The following EYS variants were observed in gnomAD, a reference collection of about 807,000 sequenced individuals.
The protein encoded by EYS is EGF-like photoreceptor maintenance factor.
EYS carries 250 observed loss-of-function variants against 282.1 expected under a neutral mutation model. The observed-to-expected ratio is 0.89, with a 90% CI of 0.80 to 0.98. The LOEUF (loss-of-function observed/expected upper bound fraction) is 0.98. Among genes scored for constraint, EYS ranks in the 50% least tolerant of loss-of-function variants. The pLI is 0.00. For missense variants in EYS, 4,016 were observed against 3,709.0 expected (o/e 1.08, Z -2.15); for synonymous variants, 1,355 against 1,282.9 (o/e 1.06, Z -1.20).
intron 2 of EYS, among the ~76,000 whole-genome samples, chr6:65,587,348 C>T (rs1765086303): frequency 6.6e-6 from 1 of 152,062 alleles, no homozygotes; most frequent in Admixed American, 6.6e-5. Flanking sequence ...CCATAATCCC[C>T]AGGTATCGTG....
intron 29 of EYS, among the ~76,000 whole-genome samples, chr6:64,383,006 G>C (rs1772798624): frequency 6.6e-6 from 1 of 152,198 alleles, no homozygotes; most frequent in Non-Finnish European, 1.5e-5. Context: ...GGCAAGGCCT[G>C]CCTGGGCACG....
chr6:65,245,590 T>C (rs984652769), intron 12 of EYS, among the ~76,000 whole-genome samples: 1 of 152,070 alleles, frequency 6.6e-6, no homozygotes, highest in Admixed American at 6.6e-5. Context: ...TTCTTGTGCG[T>C]TTCCCTGAAC....
At chr6:64,446,033 G>T (rs1336545333) in intron 26 of EYS, among the ~76,000 whole-genome samples, 2 of 152,160 alleles carry the variant, frequency 1.3e-5, no homozygotes, top group Non-Finnish European at 2.9e-5. Context: ...CCAAGCTAAA[G>T]ATATTAACTT....
chr6:65,403,140 C>G (rs576024805), intron 6 of EYS, among the ~76,000 whole-genome samples: 2 of 152,130 alleles, frequency 1.3e-5, no homozygotes, highest in Admixed American at 1.3e-4. Flanking sequence ...AATATCCTAG[C>G]TGAGACAAGT....
chr6:64,862,925 G>T (rs1209230920), intron 19 of EYS, among the ~76,000 whole-genome samples: 2 of 151,974 alleles, frequency 1.3e-5, no homozygotes, highest in East Asian at 3.9e-4. Context: ...TTCGTGATAC[G>T]TTCTCTGTAT....
At chr6:65,213,057 A>T (rs575239731) in intron 12 of EYS, among the ~76,000 whole-genome samples, 51 of 152,176 alleles carry the variant, frequency 3.4e-4, no homozygotes, top group Non-Finnish European at 5.4e-4. Context: ...ATGTAGAGGA[A>T]TTATTTATAG....
In EYS at chr6:64,439,353, C is replaced by G; in HGVS notation, c.5645-1G>C. 1 of 1,484,992 alleles carries G rather than the reference C, an allele frequency of 6.7e-7. No homozygotes were observed. Among genetic ancestry groups the G allele is most frequent in the Non-Finnish European group, 8.9e-7 (1 of 1,122,570 alleles). 92.0% of individuals were successfully genotyped at this position (1,484,992 alleles called of 1,614,324 possible). A position where few individuals can be genotyped will look rare whatever the true frequency, so the allele number is the denominator to read the frequency against. On this transcript the variant is annotated splice_acceptor_variant, in intron 26 of 42. Transcript: ENST00000503581. LOFTEE classifies it high-confidence loss of function. ...CCATAATAACGAACACAACTGAAAT[C>G]TGTGGAGTCAGAAAGAAAATACAAT... is the stretch of plus-strand genomic sequence containing the variant.
Position 65,405,327 on chromosome 6 carries a change from C to A in EYS, c.903G>T (p.Leu301=). 1 of 1,609,004 alleles carries A rather than the reference C, an allele frequency of 6.2e-7. No individual in the cohort carries two copies. The highest frequency in any genetic ancestry group is 8.5e-7 in the Non-Finnish European group (1 of 1,178,224). The change falls in exon 6 of 43, where the codon CTG becomes CTT. Residue 301 remains leucine (L), a synonymous_variant. Coordinates refer to ENST00000503581, the MANE Select transcript of EYS (RefSeq NM_001142800.2). ...GGCAAATTCCTCTTTTCCAAAAAAG[C>A]AGAGAAACACAAGGTTTTGCTGACA... ...CEVSAKPCVS[L]LFWKRGICPN...
chr6:65,196,186 T>A (rs1042514416), intron 12 of EYS, among the ~76,000 whole-genome samples: 1 of 152,008 alleles, frequency 6.6e-6, no homozygotes, highest in African/African-American at 2.4e-5. Flanking sequence ...CGAGTGCTAC[T>A]AGATCTAGAG....
intron 40 of EYS, among the ~76,000 whole-genome samples, chr6:63,763,964 T>G (rs1769718349): frequency 6.7e-6 from 1 of 148,930 alleles, no homozygotes; most frequent in African/African-American, 2.5e-5. Context: ...CCTCCCTCCC[T>G]CCCTCACTCC....
In EYS at chr6:63,970,259, T is replaced by A. The variant is rs2149782708; in HGVS notation, c.7055+14124A>T. Among the ~76,000 whole-genome samples, 4 of 152,314 alleles carry A rather than the reference T, an allele frequency of 2.6e-5. No homozygotes were observed. The South Asian group carries it at 8.3e-4, about 32-fold the overall frequency. On this transcript the variant is annotated intron_variant, in intron 35 of 42. Coordinates refer to ENST00000503581, the MANE Select transcript of EYS (RefSeq NM_001142800.2). ...CCACTTCATAGCATTACACTCCTAG[T>A]GAAGGCCCTTGTGAGCAAGGCGTCC...
intron 11 of EYS, chr6:65,329,308 T>G: frequency 1.2e-6 from 1 of 818,330 alleles, no homozygotes; most frequent in Non-Finnish European, 1.5e-6. Context: ...ATGAAGTTTG[T>G]TATAATAATT....
rs550320301 is a variant in EYS at position 65,184,474 on chromosome 6, A to T, written c.2023+111389T>A. Among the ~76,000 whole-genome samples, 7 of 152,012 alleles carry T rather than the reference A, an allele frequency of 4.6e-5. No homozygotes were observed. The South Asian group carries it at 1.2e-3, about 27-fold the overall frequency. ...ACTATAAAAATGGCAATTAAATTTC[A>T]ACAAGAGTTTTGGAGAAAACAAACA... On this transcript the variant is annotated intron_variant, in intron 12 of 42. Transcript: ENST00000503581.
chr6:65,343,911 T>C (rs1770292632), intron 10 of EYS, 127 bp downstream of exon 10: 11 of 797,962 alleles, frequency 1.4e-5, no homozygotes, highest in Non-Finnish European at 2.3e-5. Context: ...AAGTTATATT[T>C]AAACTATGCA....
chr6:65,006,461 C>T (rs1367244465), intron 13 of EYS, among the ~76,000 whole-genome samples: 1 of 130,644 alleles, frequency 7.7e-6, no homozygotes. Flanking sequence ...TAGAGGAAAC[C>T]TCGTTGTGAG....
intron 19 of EYS, among the ~76,000 whole-genome samples, chr6:64,847,686 C>T (rs1310947562): frequency 6.6e-6 from 1 of 151,978 alleles, no homozygotes; most frequent in African/African-American, 2.4e-5. Flanking sequence ...TTACACTAAC[C>T]CCTACCATGT....
Position 63,782,600 on chromosome 6 carries a change from C to T in EYS, c.7724-4420G>A, listed in dbSNP as rs765910811. Among the ~76,000 whole-genome samples the T allele has an allele frequency of 1.1e-4, 16 of 152,040 alleles. 1 individual carries two copies. Among genetic ancestry groups the T allele is most frequent in the Admixed American group, 1.0e-3 (16 of 15,260 alleles). ...TTCTGTGGGATCGGTGGTGATATCG[C>T]CTTCATCATTTTTTATTGCATCTAT... On this transcript the variant is annotated intron_variant, in intron 39 of 42. Coordinates refer to ENST00000503581, the MANE Select transcript of EYS (RefSeq NM_001142800.2).
At chr6:65,382,767 C>T (rs866967370) in intron 8 of EYS, among the ~76,000 whole-genome samples, 2 of 151,816 alleles carry the variant, frequency 1.3e-5, no homozygotes, top group Non-Finnish European at 2.9e-5. Context: ...GCCTGTCTAG[C>T]CTATTTATGT....
intron 35 of EYS, among the ~76,000 whole-genome samples, chr6:63,882,271 TA>T (rs1480721903): frequency 6.6e-6 from 1 of 152,234 alleles, no homozygotes; most frequent in Non-Finnish European, 1.5e-5. Flanking sequence ...TTTGTCTTAT[TA>T]CAAAAGTTGT....
Sources: allele counts gnomAD v4.1 joint callset (sites outside exome capture counted in the v4.1 genomes callset), GRCh38; gene constraint gnomAD v4.1.1; transcripts MANE v1.5; gene names NCBI Gene and HGNC (gene_info 2026-07-23, HGNC 2026-07-21).